IFT43: variants seen among roughly 807,000 people sequenced by gnomAD.
The protein encoded by IFT43 is intraflagellar transport protein 43 homolog.
IFT43 carries 33 observed loss-of-function variants against 32.3 expected under a neutral mutation model. The ratio of observed to expected loss-of-function variants is 1.02; its 90% CI spans 0.77 to 1.37. The LOEUF is 1.37. Among genes scored for constraint, IFT43 ranks in the 40% most tolerant of loss-of-function variants. IFT43 has a pLI of 0.00. For synonymous variants in IFT43, 93 were observed against 98.2 expected (o/e 0.95, Z 0.31); for missense variants, 274 against 265.9 (o/e 1.03, Z -0.21).
rs1470376646 is a variant in IFT43 at position 76,015,844 on chromosome 14, C to G, written c.148-6483C>G. On this transcript the variant is annotated intron_variant, in intron 2 of 8. Transcript: ENST00000314067. ...GATATCCGTTAGTAAAGTGACAGTT[C>G]AGTCCAGGCTCAAAGGAGCCATTTT... Among the ~76,000 whole-genome samples, 7 of 152,314 alleles carry G rather than the reference C, an allele frequency of 4.6e-5. No homozygotes were observed. In the South Asian group the frequency reaches 6.2e-4, roughly 14 times the overall value.
chr14:76,007,279 T>G (rs1195325440), intron 2 of IFT43, among the ~76,000 whole-genome samples: 1 of 152,174 alleles, frequency 6.6e-6, no homozygotes. Flanking sequence ...AAGGCAAGAT[T>G]AAGAACTGCA....
At chr14:76,047,452 CA>C (rs969159725) in intron 3 of IFT43, among the ~76,000 whole-genome samples, 7 of 152,018 alleles carry the variant, frequency 4.6e-5, no homozygotes. Flanking sequence ...TCATATTAAG[CA>C]GGAAGAAAAC....
chr14:76,040,599 G>A (rs762184033), intron 3 of IFT43, among the ~76,000 whole-genome samples: 96 of 152,274 alleles, frequency 6.3e-4, no homozygotes, highest in Non-Finnish European at 1.0e-3. Context: ...TTAAGGCCTC[G>A]GATGGCTAGT....
intron 2 of IFT43, among the ~76,000 whole-genome samples, chr14:76,003,201 A>G (rs945837317): frequency 5.3e-5 from 8 of 152,068 alleles, no homozygotes; most frequent in Admixed American, 1.3e-4. Context: ...CACTGTGTTT[A>G]GCCGATTGCT....
In IFT43 at chr14:76,059,670, C is replaced by T. The variant is rs1339594187; in HGVS notation, c.295+297C>T. On this transcript the variant is annotated intron_variant, in intron 5 of 8. Transcript: ENST00000314067. ...CCTCTCTCACTGGATGTTCTTTCTC[C>T]ATGCTCCTCTAACCTCCTTGGCAAA... 9.0e-6 allele frequency: 4 copies of T among 442,590 alleles called. No homozygotes were observed. In the East Asian group the frequency reaches 1.4e-4, roughly 16 times the overall value. The allele number at this position is 442,590 out of a possible 1,614,324, so 27.4% of individuals were successfully genotyped here.
intron 3 of IFT43, chr14:76,058,215 C>G (rs751672755): frequency 1.5e-5 from 4 of 261,862 alleles, no homozygotes; most frequent in Non-Finnish European, 3.0e-5. Flanking sequence ...GAAGCCTGAA[C>G]TGCGAGGCGA....
chr14:76,007,303 A>G (rs2139913388), intron 2 of IFT43, among the ~76,000 whole-genome samples: 1 of 152,332 alleles, frequency 6.6e-6, no homozygotes, highest in East Asian at 1.9e-4. Flanking sequence ...TGAAACCTGC[A>G]GTGTCCCTGG....
chr14:76,078,301 T>A (rs1177192629), intron 5 of IFT43, among the ~76,000 whole-genome samples: 1 of 152,228 alleles, frequency 6.6e-6, no homozygotes, highest in Non-Finnish European at 1.5e-5. Context: ...TAATGTTACT[T>A]TTGTTTTAGA....
chr14:76,047,293 T>C (rs1051247549), intron 3 of IFT43, among the ~76,000 whole-genome samples: 2 of 152,180 alleles, frequency 1.3e-5, no homozygotes, highest in Non-Finnish European at 2.9e-5. Flanking sequence ...GCTGGCCTGA[T>C]TCTGAGTGAT....
At chr14:76,079,252 C>A (rs2140094169) in intron 5 of IFT43, among the ~76,000 whole-genome samples, 1 of 152,338 alleles carries the variant, frequency 6.6e-6, no homozygotes. Context: ...TCAGTGTTCT[C>A]TTCTGAAAAT....
At chr14:76,076,375 C>A (rs1328567370) in intron 5 of IFT43, among the ~76,000 whole-genome samples, 1 of 152,150 alleles carries the variant, frequency 6.6e-6, no homozygotes, top group Non-Finnish European at 1.5e-5. Flanking sequence ...ATTCAGAAAT[C>A]CCCAACCAAG....
chr14:75,989,202 A>G (rs1341726318), intron 2 of IFT43, among the ~76,000 whole-genome samples: 2 of 152,146 alleles, frequency 1.3e-5, no homozygotes, highest in Non-Finnish European at 2.9e-5. Context: ...TTATATTCTT[A>G]ATGTAGAACT....
chr14:76,023,576 T>C (rs2036335252), intron 3 of IFT43, among the ~76,000 whole-genome samples: 1 of 152,226 alleles, frequency 6.6e-6, no homozygotes, highest in Admixed American at 6.5e-5. Flanking sequence ...GAAGCACTTG[T>C]AGATGTTGGC....
intron 3 of IFT43, among the ~76,000 whole-genome samples, chr14:76,055,000 TCTTGTTTGTTTGCTTG>T (rs1215819367): frequency 6.6e-6 from 1 of 152,192 alleles, no homozygotes; most frequent in East Asian, 1.9e-4. Context: ...TGTTTTAGGT[TCTTGTTTGTTTGCTTG>T]CTTGTTTGTT....
At chr14:76,080,950 C>G (rs949590708) in intron 5 of IFT43, among the ~76,000 whole-genome samples, 5 of 152,114 alleles carry the variant, frequency 3.3e-5, no homozygotes, top group Non-Finnish European at 5.9e-5. Context: ...TTTTCCCTAG[C>G]AGCAATTTCT....
intron 5 of IFT43, among the ~76,000 whole-genome samples, chr14:76,064,105 A>G (rs2037188429): frequency 6.6e-6 from 1 of 152,184 alleles, no homozygotes; most frequent in South Asian, 2.1e-4. Flanking sequence ...CCATACTCTC[A>G]TCATTCTCCA....
At chr14:76,027,860 A>G (rs865969746) in intron 3 of IFT43, among the ~76,000 whole-genome samples, 4 of 152,044 alleles carry the variant, frequency 2.6e-5, no homozygotes, top group Non-Finnish European at 4.4e-5. Context: ...GATGTCTTTT[A>G]TAACTCCAGG....
At chr14:76,075,434 G>T (rs755253786) in intron 5 of IFT43, among the ~76,000 whole-genome samples, 2 of 152,202 alleles carry the variant, frequency 1.3e-5, no homozygotes, top group Non-Finnish European at 2.9e-5. Context: ...TCCTTTGGGT[G>T]TTTGAAGCCT....
At chr14:76,017,602 T>C (rs2036212982) in intron 2 of IFT43, among the ~76,000 whole-genome samples, 1 of 152,146 alleles carries the variant, frequency 6.6e-6, no homozygotes, top group African/African-American at 2.4e-5. Context: ...TCCCATTCAA[T>C]TTTTGGGAAT....
Sources: gnomAD v4.1 joint callset for allele counts (sites outside exome capture counted in the v4.1 genomes callset) on GRCh38, gnomAD v4.1.1 for gene constraint, MANE v1.5 for transcripts, NCBI Gene and HGNC (gene_info 2026-07-23, HGNC 2026-07-21) for gene names.